NEK10: variants seen among roughly 807,000 people sequenced by gnomAD.
NEK10 encodes the protein NIMA related kinase 10.
Under a neutral mutation model 159.8 loss-of-function variants are expected in NEK10, and 122 were observed. That is an observed-to-expected ratio of 0.76 (90% CI 0.66 to 0.89). The LOEUF is 0.89. Among genes scored for constraint, NEK10 ranks in the 40% least tolerant of loss-of-function variants. The pLI is 0.00. For missense variants in NEK10, 1,342 were observed against 1,323.1 expected (o/e 1.01, Z -0.22); for synonymous variants, 466 against 457.1 (o/e 1.02, Z -0.25).
chr3:27,157,055 T>C (rs942357785), intron 30 of NEK10, among the ~76,000 whole-genome samples: 2 of 148,386 alleles, frequency 1.3e-5, no homozygotes, highest in South Asian at 2.1e-4. Context: ...CTGGAGACTA[T>C]TATTCTAAGT....
At chr3:27,298,609 A>G (rs1402330612) in intron 13 of NEK10, among the ~76,000 whole-genome samples, 2 of 152,220 alleles carry the variant, frequency 1.3e-5, no homozygotes, top group African/African-American at 4.8e-5. Context: ...AGCTTGGAAC[A>G]ATTTGGAGGG....
intron 22 of NEK10, among the ~76,000 whole-genome samples, chr3:27,257,240 T>C (rs564834800): frequency 7.9e-5 from 12 of 152,302 alleles, no homozygotes; most frequent in Non-Finnish European, 1.8e-4. Flanking sequence ...CTCAACAACT[T>C]AGGTCAAAAT....
intron 1 of NEK10, among the ~76,000 whole-genome samples, chr3:27,364,620 C>T (rs1336231417): frequency 6.6e-6 from 1 of 152,144 alleles, no homozygotes; most frequent in Non-Finnish European, 1.5e-5. Flanking sequence ...AGTTTAAATT[C>T]AATGTCACAA....
chr3:27,362,282 G>C (rs1297790017), intron 1 of NEK10, among the ~76,000 whole-genome samples: 1 of 152,148 alleles, frequency 6.6e-6, no homozygotes, highest in Admixed American at 6.5e-5. Context: ...TCTGGAAGAA[G>C]GCAAGTGTTG....
intron 23 of NEK10, among the ~76,000 whole-genome samples, chr3:27,234,459 T>C (rs1370844297): frequency 6.6e-6 from 1 of 152,062 alleles, no homozygotes; most frequent in Non-Finnish European, 1.5e-5. Context: ...AGCATTCCTA[T>C]ACACCAACAA....
intron 30 of NEK10, among the ~76,000 whole-genome samples, chr3:27,157,216 A>C (rs1460039253): frequency 6.6e-6 from 1 of 151,698 alleles, no homozygotes; most frequent in Non-Finnish European, 1.5e-5. Flanking sequence ...AGAAGACTAC[A>C]AATATGGTGC....
intron 30 of NEK10, among the ~76,000 whole-genome samples, chr3:27,146,777 G>A (rs1185182402): frequency 6.6e-6 from 1 of 152,172 alleles, no homozygotes; most frequent in East Asian, 1.9e-4. Flanking sequence ...GAAGGTCTTC[G>A]ATAGCACAGG....
chr3:27,237,219 T>G (rs1279597264), intron 23 of NEK10, among the ~76,000 whole-genome samples: 2 of 152,194 alleles, frequency 1.3e-5, no homozygotes, highest in Non-Finnish European at 2.9e-5. Flanking sequence ...GTTATTGTAT[T>G]CATTTCCAAG....
chr3:27,361,121 T>A (rs989081668), intron 1 of NEK10, among the ~76,000 whole-genome samples: 2 of 152,340 alleles, frequency 1.3e-5, no homozygotes, highest in Admixed American at 1.3e-4. Flanking sequence ...CTAGAATATG[T>A]GACAACAGAT....
At chr3:27,269,943 T>C (rs901301785) in intron 22 of NEK10, among the ~76,000 whole-genome samples, 1 of 152,206 alleles carries the variant, frequency 6.6e-6, no homozygotes. Context: ...AAAGTTTATA[T>C]ATATAGTGAA....
At chr3:27,127,815 C>T (rs1942148024) in intron 32 of NEK10, among the ~76,000 whole-genome samples, 1 of 152,050 alleles carries the variant, frequency 6.6e-6, no homozygotes, top group Non-Finnish European at 1.5e-5. Flanking sequence ...TGGTTATTTT[C>T]CCTAAAATGC....
chr3:27,232,700 G>GTATAAAAA (rs1248054016), intron 23 of NEK10, among the ~76,000 whole-genome samples: 1 of 152,006 alleles, frequency 6.6e-6, no homozygotes, highest in African/African-American at 2.4e-5. Context: ...CATGTTACTG[G>GTATAAAAA]TATAAAAATA....
chr3:27,254,506 A>T (rs1375932026), intron 23 of NEK10, among the ~76,000 whole-genome samples: 1 of 152,200 alleles, frequency 6.6e-6, no homozygotes, highest in Non-Finnish European at 1.5e-5. Flanking sequence ...ACACAATATG[A>T]TGTAGGACTG....
chr3:27,350,967 G>A (rs1005446200), intron 3 of NEK10, among the ~76,000 whole-genome samples: 3 of 152,098 alleles, frequency 2.0e-5, no homozygotes, highest in African/African-American at 7.2e-5. Flanking sequence ...ATCAAATATA[G>A]TGAACCAGAG....
In NEK10 at chr3:27,319,881, A is replaced by G. The variant is rs1208532428; in HGVS notation, c.447+2296T>C. The stretch of plus-strand genomic sequence containing the variant: ...GGGGGCAGGAGAGGGTTTGGCTGAG[A>G]AAAGTGAAGATGGCTTGGAAGAGCC... On this transcript the variant is annotated intron_variant, in intron 6 of 35. Coordinates refer to ENST00000691995, the MANE Select transcript of NEK10 (RefSeq NM_001394966.1). Among the ~76,000 whole-genome samples the G allele has an allele frequency of 2.0e-5, 3 of 152,182 alleles. No individual in the cohort carries two copies. In the East Asian group the frequency reaches 5.8e-4, roughly 29 times the overall value.
At chr3:27,272,035 A>G (rs1316339152) in intron 22 of NEK10, among the ~76,000 whole-genome samples, 3 of 152,166 alleles carry the variant, frequency 2.0e-5, no homozygotes, top group African/African-American at 7.2e-5. Flanking sequence ...ATGGCCTATA[A>G]AACTTACCTT....
chr3:27,153,192 C>T (rs1258427999), intron 30 of NEK10, among the ~76,000 whole-genome samples: 6 of 151,724 alleles, frequency 4.0e-5, no homozygotes, highest in East Asian at 3.9e-4. Flanking sequence ...TGGTAGCGGG[C>T]GCCTATAGTC....
chr3:27,225,285 T>A (rs1243337257), intron 23 of NEK10, among the ~76,000 whole-genome samples: 1 of 152,110 alleles, frequency 6.6e-6, no homozygotes, highest in Non-Finnish European at 1.5e-5. Flanking sequence ...TAAGGGTGGG[T>A]CTACCTTTCC....
At chr3:27,268,512 T>C (rs1013191500) in intron 22 of NEK10, among the ~76,000 whole-genome samples, 1 of 152,202 alleles carries the variant, frequency 6.6e-6, no homozygotes, top group African/African-American at 2.4e-5. Context: ...TTGCTACATA[T>C]ACTCTGCTTG....
Sources: gnomAD v4.1 joint callset for allele counts (sites outside exome capture counted in the v4.1 genomes callset) on GRCh38, gnomAD v4.1.1 for gene constraint, MANE v1.5 for transcripts, NCBI Gene and HGNC (gene_info 2026-07-23, HGNC 2026-07-21) for gene names.